The following CNTNAP2 variants were observed in gnomAD, a reference collection of about 807,000 sequenced individuals.
The protein encoded by CNTNAP2 is contactin-associated protein-like 2.
Under a neutral mutation model 155.2 loss-of-function variants are expected in CNTNAP2, and 98 were observed. The observed-to-expected ratio is 0.63, with a 90% CI of 0.54 to 0.75. CNTNAP2 has a LOEUF of 0.75. CNTNAP2 is among the 30% of genes least tolerant of loss of function. The pLI is 0.00. For missense variants in CNTNAP2, 1,727 were observed against 1,688.1 expected (o/e 1.02, Z -0.40); for synonymous variants, 651 against 631.2 (o/e 1.03, Z -0.47).
chr7:147,509,276 AG>A (rs1798972753), intron 11 of CNTNAP2, among the ~76,000 whole-genome samples: 1 of 152,220 alleles, frequency 6.6e-6, no homozygotes, highest in African/African-American at 2.4e-5. Context: ...TCATAGAAAG[AG>A]CAATACAGAG....
chr7:146,401,220 C>T (rs545167071), intron 1 of CNTNAP2, among the ~76,000 whole-genome samples: 1 of 152,126 alleles, frequency 6.6e-6, no homozygotes, highest in African/African-American at 2.4e-5. Context: ...CTAGAAATCA[C>T]TTTGTAGAAT....
At chr7:146,673,791 C>T (rs1425424429) in intron 1 of CNTNAP2, among the ~76,000 whole-genome samples, 1 of 152,024 alleles carries the variant, frequency 6.6e-6, no homozygotes, top group Non-Finnish European at 1.5e-5. Flanking sequence ...CTGATTTGCC[C>T]AGGCTGGTCT....
intron 11 of CNTNAP2, among the ~76,000 whole-genome samples, chr7:147,502,280 A>G (rs1472856534): frequency 6.6e-6 from 1 of 152,226 alleles, no homozygotes; most frequent in Non-Finnish European, 1.5e-5. Flanking sequence ...ATAGCAAAAG[A>G]AAGCTGGAGG....
intron 18 of CNTNAP2, among the ~76,000 whole-genome samples, chr7:148,202,851 TGTAGTCATACAACAAACGC>T (rs2116733439): frequency 6.6e-6 from 1 of 152,342 alleles, no homozygotes; most frequent in African/African-American, 2.4e-5. Context: ...CAAGGCTCTG[TGTAGTCATACAACAAACGC>T]GTGGCCTAAA....
At chr7:146,563,273 AT>A (rs908859872) in intron 1 of CNTNAP2, among the ~76,000 whole-genome samples, 4 of 150,840 alleles carry the variant, frequency 2.7e-5, no homozygotes, top group Admixed American at 6.6e-5. Context: ...GGAAGGTCTC[AT>A]TTTTTTTTCT....
intron 14 of CNTNAP2, among the ~76,000 whole-genome samples, chr7:147,952,843 G>T (rs1471637914): frequency 6.6e-6 from 1 of 151,868 alleles, no homozygotes; most frequent in African/African-American, 2.4e-5. Context: ...TTTTAATGCT[G>T]CTCCTGGTTC....
At chr7:147,826,781 T>A (rs1798457971) in intron 13 of CNTNAP2, among the ~76,000 whole-genome samples, 1 of 152,214 alleles carries the variant, frequency 6.6e-6, no homozygotes, top group Non-Finnish European at 1.5e-5. Context: ...GCATTTCTAA[T>A]AGTCACAGGA....
At chr7:147,593,395 C>G (rs1344238709) in intron 12 of CNTNAP2, among the ~76,000 whole-genome samples, 1 of 151,188 alleles carries the variant, frequency 6.6e-6, no homozygotes, top group African/African-American at 2.4e-5. Context: ...CTCTGGGAAA[C>G]CTAGGAAATG....
chr7:147,064,984 C>T lies in CNTNAP2; in HGVS notation c.550+20930C>T, dbSNP rs184951235. Among the ~76,000 whole-genome samples, 128 of 152,194 alleles carry T rather than the reference C, an allele frequency of 8.4e-4. 1 individual carries two copies. Among genetic ancestry groups the T allele is most frequent in the Non-Finnish European group, 3.7e-4 (25 of 67,996 alleles). ...AAATAAAATGCTGAGTATTTAAATG[C>T]CTCTGAAATTAAGTAAATCTGTTCT... On this transcript the variant is annotated intron_variant, in intron 4 of 23. Coordinates refer to ENST00000361727, the MANE Select transcript of CNTNAP2 (RefSeq NM_014141.6).
At chr7:146,279,044 A>G (rs889990776) in intron 1 of CNTNAP2, among the ~76,000 whole-genome samples, 5 of 152,142 alleles carry the variant, frequency 3.3e-5, no homozygotes, top group Non-Finnish European at 5.9e-5. Flanking sequence ...AGGAACAAAG[A>G]TTGTTAGAAG....
At chr7:146,185,271 A>G (rs967647779) in intron 1 of CNTNAP2, among the ~76,000 whole-genome samples, 20 of 152,150 alleles carry the variant, frequency 1.3e-4, no homozygotes, top group Non-Finnish European at 2.6e-4. Flanking sequence ...GATGGCTGGG[A>G]GGAAAGTATG....
chr7:148,093,401 T>C (rs1480779699), intron 15 of CNTNAP2, among the ~76,000 whole-genome samples: 1 of 152,240 alleles, frequency 6.6e-6, no homozygotes, highest in African/African-American at 2.4e-5. Flanking sequence ...AAACCTTCTC[T>C]GATATGACGA....
chr7:147,155,064 C>A lies in CNTNAP2; in HGVS notation c.1348+22555C>A, dbSNP rs73471082. 3.0e-3 allele frequency among the ~76,000 whole-genome samples: 456 copies of A among 152,232 alleles called. 2 individuals are homozygous for A. Among genetic ancestry groups the A allele is most frequent in the African/African-American group, 0.011 (442 of 41,538 alleles). ...TGAAGGTCTGAATGTTTCTCCCCAC[C>A]ACTCCCGCTCCCTGCCAAAAGTCAT... On this transcript the variant is annotated intron_variant, in intron 8 of 23. Coordinates refer to ENST00000361727, the MANE Select transcript of CNTNAP2 (RefSeq NM_014141.6).
At chr7:146,183,927 T>C (rs1257750765) in intron 1 of CNTNAP2, among the ~76,000 whole-genome samples, 1 of 152,196 alleles carries the variant, frequency 6.6e-6, no homozygotes, top group East Asian at 1.9e-4. Flanking sequence ...CAGCTTGTAG[T>C]CCACAGTAGC....
intron 8 of CNTNAP2, among the ~76,000 whole-genome samples, chr7:147,209,152 A>G (rs1803084866): frequency 6.6e-6 from 1 of 152,108 alleles, no homozygotes; most frequent in South Asian, 2.1e-4. Context: ...TAAGAATAGC[A>G]TTGAATTTGC....
intron 4 of CNTNAP2, among the ~76,000 whole-genome samples, chr7:147,070,785 A>G (rs373424353): frequency 2.0e-5 from 3 of 152,286 alleles, no homozygotes; most frequent in South Asian, 4.1e-4. Flanking sequence ...ATTTCTCTTG[A>G]ATATACTCAT....
chr7:146,718,566 T>C (rs1801231543), intron 1 of CNTNAP2, among the ~76,000 whole-genome samples: 1 of 152,146 alleles, frequency 6.6e-6, no homozygotes, highest in Non-Finnish European at 1.5e-5. Flanking sequence ...AGCAATGAAA[T>C]GATTAAAAAT....
intron 3 of CNTNAP2, among the ~76,000 whole-genome samples, chr7:146,980,358 A>G (rs182800897): frequency 3.9e-5 from 6 of 152,336 alleles, no homozygotes; most frequent in Admixed American, 2.0e-4. Context: ...GCTGTAACAC[A>G]TAAGTCCTTG....
At chr7:147,864,001 C>G (rs936587307) in intron 13 of CNTNAP2, among the ~76,000 whole-genome samples, 1 of 151,990 alleles carries the variant, frequency 6.6e-6, no homozygotes, top group Non-Finnish European at 1.5e-5. Context: ...AAGTCCTTGC[C>G]CATGCCTATG....
Sources: allele counts gnomAD v4.1 joint callset (sites outside exome capture counted in the v4.1 genomes callset), GRCh38; gene constraint gnomAD v4.1.1; transcripts MANE v1.5; gene names NCBI Gene and HGNC (gene_info 2026-07-23, HGNC 2026-07-21).